WDR59: variants seen among roughly 807,000 people sequenced by gnomAD.
WDR59 encodes GATOR2 complex protein WDR59.
Under a neutral mutation model 131.2 loss-of-function variants are expected in WDR59, and 100 were observed. That is an observed-to-expected ratio of 0.76 (90% CI 0.65 to 0.90). The LOEUF (loss-of-function observed/expected upper bound fraction) is 0.90, where lower values mean the gene tolerates loss of function less well. Ranked by LOEUF, WDR59 falls within the 40% of genes least tolerant of loss-of-function variation. WDR59 has a pLI of 0.00. For synonymous variants in WDR59, 601 were observed against 466.2 expected, an observed-to-expected ratio of 1.29 and a Z score of -3.72; for missense variants, 1,203 against 1,262.2, an observed-to-expected ratio of 0.95 and a Z score of 0.71.
rs1203434209 is a variant in WDR59, at chr16:74,956,489, A to G, written c.226T>C (p.Tyr76His). Reference sequence around the variant, plus strand: ...AATAAGCTCACCGAAGCCGCAAAATAGTGTGCAAAGCTGTCATGAGGATTC... The same window carrying G: ...AATAAGCTCACCGAAGCCGCAAAATGGTGTGCAAAGCTGTCATGAGGATTC... ...QWNPHDSFAH[Y>H]FAASSNQRVD... The change falls in exon 3 of 26, where the codon TAT becomes CAT. Residue 76 changes from tyrosine to histidine, a missense_variant. Transcript: ENST00000262144. 27 of 1,613,266 alleles carry G rather than the reference A, an allele frequency of 1.7e-5. No individual in the cohort carries two copies. The Admixed American group carries it at 4.4e-4, about 26-fold the overall frequency.
chr16:74,896,090 A>C (rs963157322), intron 18 of WDR59, among the ~76,000 whole-genome samples: 5 of 137,914 alleles, frequency 3.6e-5, no homozygotes, highest in African/African-American at 1.6e-4. Flanking sequence ...GCACTGGATT[A>C]AAAAAAAAAA....
At chr16:74,882,597 A>G (rs1964540190) in intron 25 of WDR59, among the ~76,000 whole-genome samples, 1 of 151,994 alleles carries the variant, frequency 6.6e-6, no homozygotes, top group African/African-American at 2.4e-5. Context: ...TTTGTATTGT[A>G]TTTTAGTATC....
chr16:74,893,642 A>T, intron 19 of WDR59, 37 bp downstream of exon 19: 1 of 1,565,184 alleles, frequency 6.4e-7, no homozygotes. Context: ...ATCCTGGCTA[A>T]ATGATGAGTG....
At chr16:74,975,039 A>G (rs2034130496) in intron 1 of WDR59, among the ~76,000 whole-genome samples, 1 of 152,180 alleles carries the variant, frequency 6.6e-6, no homozygotes, top group Non-Finnish European at 1.5e-5. Flanking sequence ...CCCCAACACA[A>G]GTAGGCACTA....
intron 18 of WDR59, among the ~76,000 whole-genome samples, chr16:74,900,914 T>C (rs1965518219): frequency 6.6e-6 from 1 of 151,770 alleles, no homozygotes; most frequent in Admixed American, 6.6e-5. Context: ...AGGTCAGGAG[T>C]TCGAGACCAG....
intron 6 of WDR59, among the ~76,000 whole-genome samples, chr16:74,946,056 C>T (rs1038212870): frequency 2.0e-5 from 3 of 151,950 alleles, no homozygotes; most frequent in African/African-American, 4.8e-5. Context: ...TCAGGTGATC[C>T]GCCCGCCTCA....
At chr16:74,975,492 G>C (rs992210332) in intron 1 of WDR59, among the ~76,000 whole-genome samples, 1 of 151,382 alleles carries the variant, frequency 6.6e-6, no homozygotes, top group African/African-American at 2.4e-5. Context: ...GTAAAACCCC[G>C]TCTCTACTAA....
At chr16:74,884,105 C>T (rs1243663933) in intron 25 of WDR59, among the ~76,000 whole-genome samples, 2 of 152,202 alleles carry the variant, frequency 1.3e-5, no homozygotes, top group East Asian at 3.9e-4. Context: ...CACACTGAGT[C>T]TAGCTCTAAA....
intron 2 of WDR59, chr16:74,959,454 T>C (rs1041007158): frequency 9.2e-6 from 4 of 432,966 alleles, no homozygotes; most frequent in Non-Finnish European, 1.8e-5. Context: ...GGATAGGGAC[T>C]AATGCAACAG....
rs188187978 is a variant in WDR59, at chr16:74,875,038, G to A, written c.2690-594C>T. 1.9e-3 allele frequency among the ~76,000 whole-genome samples: 284 copies of A among 152,302 alleles called. 5 individuals carry two copies. Among genetic ancestry groups the A allele is most frequent in the African/African-American group, 6.4e-3 (267 of 41,566 alleles). On this transcript the variant is annotated intron_variant, in intron 25 of 25. Transcript: ENST00000262144. ...TGCGTCTGATGCCTCTTCCCACCCC[G>A]ACGGCTGGCAGGGCCTGGCACGCAG...
intron 24 of WDR59, 79 bp from the exon 25 acceptor site, chr16:74,885,874 C>A (rs1964731371): frequency 3.9e-6 from 6 of 1,530,548 alleles, no homozygotes; most frequent in Admixed American, 2.0e-5. Context: ...TTAATATACC[C>A]TTCTTAAAGC....
At chr16:74,885,594 C>G in intron 25 of WDR59, 59 bp downstream of exon 25, 1 of 1,583,080 alleles carries the variant, frequency 6.3e-7, no homozygotes, top group Non-Finnish European at 8.6e-7. Flanking sequence ...AGGCTGTGGA[C>G]ATATTAAATT....
intron 10 of WDR59, among the ~76,000 whole-genome samples, chr16:74,918,342 T>C (rs2144981955): frequency 6.6e-6 from 1 of 152,348 alleles, no homozygotes. Flanking sequence ...ACTTAAATGA[T>C]GTGAAATACT....
chr16:74,901,196 C>T (rs1227922913), intron 18 of WDR59, among the ~76,000 whole-genome samples: 1 of 152,130 alleles, frequency 6.6e-6, no homozygotes, highest in African/African-American at 2.4e-5. Context: ...ACTGCAAGAG[C>T]CCAGGAGTTT....
intron 6 of WDR59, among the ~76,000 whole-genome samples, chr16:74,946,306 G>A (rs536682484): frequency 6.6e-6 from 1 of 152,254 alleles, no homozygotes; most frequent in African/African-American, 2.4e-5. Context: ...GGGGGTCTTG[G>A]ACTGTGTCCC....
chr16:74,972,470 G>C (rs1040366201), intron 1 of WDR59, among the ~76,000 whole-genome samples: 13 of 152,048 alleles, frequency 8.5e-5, no homozygotes, highest in African/African-American at 2.9e-4. Context: ...CCTTTCTCCA[G>C]GCATAAAATG....
chr16:74,982,356 GA>G (rs2034461663), intron 1 of WDR59, among the ~76,000 whole-genome samples: 1 of 151,800 alleles, frequency 6.6e-6, no homozygotes, highest in Non-Finnish European at 1.5e-5. Flanking sequence ...AGGAAAATCA[GA>G]ACAAAAAAAC....
chr16:74,965,838 C>A lies in WDR59; in HGVS notation c.55-16G>T. The stretch of plus-strand genomic sequence containing the variant: ...TCGCAGTTGCCTGAGAGAGAGAACA[C>A]AGAGTCAGTGCTGCCAGCAAACCCA... On this transcript the variant is annotated splice_polypyrimidine_tract_variant and intron_variant, in intron 1 of 25. Coordinates refer to ENST00000262144, the MANE Select transcript of WDR59 (RefSeq NM_030581.4). The A allele has an allele frequency of 6.2e-7, 1 of 1,614,086 alleles. No individual in the cohort carries two copies. The highest frequency in any genetic ancestry group is 8.5e-7 in the Non-Finnish European group (1 of 1,180,016).
At chr16:74,949,631 G>T in intron 5 of WDR59, 87 bp downstream of exon 5, 2 of 1,218,706 alleles carry the variant, frequency 1.6e-6, no homozygotes, top group East Asian at 2.4e-5. Context: ...CTGTATCGAG[G>T]GGAAACCAAA....
Sources: allele counts gnomAD v4.1 joint callset (sites outside exome capture counted in the v4.1 genomes callset), GRCh38; gene constraint gnomAD v4.1.1; transcripts MANE v1.5; gene names NCBI Gene and HGNC (gene_info 2026-07-23, HGNC 2026-07-21).